Variants in ARHGAP15 observed in about 807,000 individuals in gnomAD.
The protein encoded by ARHGAP15 is rho GTPase-activating protein 15.
Under a neutral mutation model 63.7 loss-of-function variants are expected in ARHGAP15, and 51 were observed. That is an observed-to-expected ratio of 0.80 (90% CI 0.64 to 1.01). The LOEUF (loss-of-function observed/expected upper bound fraction) is 1.01. ARHGAP15 is among the 50% of genes least tolerant of loss of function. ARHGAP15 has a pLI of 0.00. For synonymous variants in ARHGAP15, 191 were observed against 193.8 expected (o/e 0.99, Z 0.12); for missense variants, 560 against 564.6 (o/e 0.99, Z 0.08).
At chr2:143,318,206 C>T (rs1448697603) in intron 6 of ARHGAP15, among the ~76,000 whole-genome samples, 2 of 151,786 alleles carry the variant, frequency 1.3e-5, no homozygotes, top group African/African-American at 2.4e-5. Flanking sequence ...CAGGGTTTCA[C>T]CATGTTAGCC....
chr2:143,687,011 C>A (rs568959273), intron 12 of ARHGAP15, among the ~76,000 whole-genome samples: 4 of 152,296 alleles, frequency 2.6e-5, no homozygotes, highest in Non-Finnish European at 5.9e-5. Context: ...AGAATTGAGT[C>A]AACTGTCTGG....
intron 11 of ARHGAP15, among the ~76,000 whole-genome samples, chr2:143,572,837 T>G (rs955616724): frequency 5.3e-5 from 8 of 152,154 alleles, no homozygotes; most frequent in African/African-American, 1.7e-4. Context: ...AAATAAAAAT[T>G]TTAAAAGATA....
chr2:143,445,155 T>C (rs1217174582), intron 8 of ARHGAP15, among the ~76,000 whole-genome samples: 2 of 117,478 alleles, frequency 1.7e-5, no homozygotes, highest in African/African-American at 6.6e-5. Flanking sequence ...GAACAATTAT[T>C]TTTTTTTTTT....
At chr2:143,739,346 A>T (rs1300727343) in intron 13 of ARHGAP15, among the ~76,000 whole-genome samples, 1 of 152,154 alleles carries the variant, frequency 6.6e-6, no homozygotes, top group Non-Finnish European at 1.5e-5. Context: ...GAGAATCAAT[A>T]TCACAAGCAG....
intron 10 of ARHGAP15, among the ~76,000 whole-genome samples, chr2:143,539,077 G>A (rs1694917200): frequency 1.3e-5 from 2 of 152,160 alleles, no homozygotes; most frequent in African/African-American, 4.8e-5. Flanking sequence ...GGTCTATTCA[G>A]AGATTCAACT....
At chr2:143,321,042 A>G (rs1341991468) in intron 6 of ARHGAP15, among the ~76,000 whole-genome samples, 2 of 152,080 alleles carry the variant, frequency 1.3e-5, no homozygotes, top group Non-Finnish European at 2.9e-5. Context: ...CGGCCCTTGG[A>G]TAGTCATGGG....
chr2:143,184,119 G>C (rs982208018), intron 2 of ARHGAP15, among the ~76,000 whole-genome samples: 1 of 152,178 alleles, frequency 6.6e-6, no homozygotes, highest in Non-Finnish European at 1.5e-5. Flanking sequence ...AGTATATCAT[G>C]TAAGCTGAAT....
chr2:143,294,780 A>AT (rs944193360), intron 6 of ARHGAP15, among the ~76,000 whole-genome samples: 1 of 152,086 alleles, frequency 6.6e-6, no homozygotes, highest in African/African-American at 2.4e-5. Flanking sequence ...GTTCTCTAAC[A>AT]TCCAGCCAAT....
At chr2:143,570,745 T>G (rs933302153) in intron 11 of ARHGAP15, among the ~76,000 whole-genome samples, 1 of 152,260 alleles carries the variant, frequency 6.6e-6, no homozygotes, top group African/African-American at 2.4e-5. Context: ...CCCAATTTCC[T>G]GCAATTTACA....
chr2:143,251,273 A>G (rs1329785297), intron 6 of ARHGAP15, among the ~76,000 whole-genome samples: 1 of 152,064 alleles, frequency 6.6e-6, no homozygotes, highest in East Asian at 1.9e-4. Flanking sequence ...TCTATTTTAT[A>G]TGAAATTTAA....
intron 9 of ARHGAP15, among the ~76,000 whole-genome samples, chr2:143,506,902 ATTCT>A (rs777008455): frequency 7.2e-5 from 11 of 152,158 alleles, no homozygotes; most frequent in Non-Finnish European, 1.3e-4. Flanking sequence ...AAATAAAAAC[ATTCT>A]TTATAAGCTG....
At chr2:143,484,826 T>C (rs1201804019) in intron 8 of ARHGAP15, among the ~76,000 whole-genome samples, 1 of 152,212 alleles carries the variant, frequency 6.6e-6, no homozygotes, top group African/African-American at 2.4e-5. Context: ...TGTCAAGTGT[T>C]CAATAGCCCC....
chr2:143,749,134 C>T (rs1171900087), intron 13 of ARHGAP15, among the ~76,000 whole-genome samples: 2 of 152,142 alleles, frequency 1.3e-5, no homozygotes, highest in Non-Finnish European at 1.5e-5. Flanking sequence ...TCAAAGAGAG[C>T]TTACCCTAAA....
chr2:143,375,569 A>G (rs1429169901), intron 6 of ARHGAP15, among the ~76,000 whole-genome samples: 1 of 152,226 alleles, frequency 6.6e-6, no homozygotes, highest in Non-Finnish European at 1.5e-5. Context: ...CAACAGTGCA[A>G]GGGTATCCAG....
At chr2:143,453,910 A>G (rs777140191) in intron 8 of ARHGAP15, among the ~76,000 whole-genome samples, 1 of 152,040 alleles carries the variant, frequency 6.6e-6, no homozygotes. Flanking sequence ...CAGAAAACTC[A>G]GCTAACTGGT....
chr2:143,570,082 A>G (rs567567506), intron 11 of ARHGAP15, among the ~76,000 whole-genome samples: 1 of 152,326 alleles, frequency 6.6e-6, no homozygotes, highest in Non-Finnish European at 1.5e-5. Flanking sequence ...ATCCCATGAG[A>G]TAATGAACCT....
chr2:143,625,022 G>A (rs1354600550), intron 12 of ARHGAP15, among the ~76,000 whole-genome samples: 2 of 152,114 alleles, frequency 1.3e-5, no homozygotes, highest in Admixed American at 6.6e-5. Flanking sequence ...CCTTGGAGAA[G>A]CAACTACTGG....
At chr2:143,235,890 C>A (rs1693622796) in intron 5 of ARHGAP15, 1 of 1,514,578 alleles carries the variant, frequency 6.6e-7, no homozygotes, top group African/African-American at 1.4e-5. Context: ...TCAATTGACT[C>A]TAGCACTTCA....
At chr2:143,284,202 G>A (rs1681985974) in intron 6 of ARHGAP15, among the ~76,000 whole-genome samples, 1 of 152,140 alleles carries the variant, frequency 6.6e-6, no homozygotes, top group Admixed American at 6.6e-5. Context: ...ACAAAAAACT[G>A]GAGTTAACAT....
Sources: allele counts gnomAD v4.1 joint callset (sites outside exome capture counted in the v4.1 genomes callset), GRCh38; gene constraint gnomAD v4.1.1; transcripts MANE v1.5; gene names NCBI Gene and HGNC (gene_info 2026-07-23, HGNC 2026-07-21).